CCDC6: variants seen among roughly 807,000 people sequenced by gnomAD.
CCDC6 encodes the protein coiled-coil domain-containing protein 6.
A neutral mutation model predicts 56.6 loss-of-function variants in CCDC6; 20 were observed. The observed-to-expected ratio is 0.35, with a 90% confidence interval of 0.25 to 0.51. CCDC6 has a LOEUF of 0.51. Ranked by LOEUF, CCDC6 falls within the 20% of genes least tolerant of loss-of-function variation. The pLI, the probability that CCDC6 is intolerant of heterozygous loss-of-function variation, is 0.95. For synonymous variants in CCDC6, 241 were observed against 234.4 expected (o/e 1.03, Z -0.26); for missense variants, 367 against 601.1 (o/e 0.61, Z 4.07).
intron 1 of CCDC6, among the ~76,000 whole-genome samples, chr10:59,869,429 G>GAAAAAAAAAAAAAAAAAAAAA (rs71006295): frequency 9.7e-6 from 1 of 103,070 alleles, no homozygotes; most frequent in Non-Finnish European, 1.9e-5. Context: ...ACAGAAAAAA[G>GAAAAAAAAAAAAAAAAAAAAA]AAAAAAAAAA....
chr10:59,809,914 G>A (rs932427955), intron 5 of CCDC6, among the ~76,000 whole-genome samples: 2 of 152,140 alleles, frequency 1.3e-5, no homozygotes, highest in African/African-American at 4.8e-5. Context: ...TGTGAACTGC[G>A]GATGACTTCC....
chr10:59,804,385 A>G, intron 7 of CCDC6, 35 bp downstream of exon 7: 1 of 1,248,664 alleles, frequency 8.0e-7, no homozygotes, highest in Non-Finnish European at 1.2e-6. Context: ...TGTGCCAGGA[A>G]TCAGTCACTG....
chr10:59,868,671 C>A (rs2071199048), intron 1 of CCDC6, among the ~76,000 whole-genome samples: 1 of 152,174 alleles, frequency 6.6e-6, no homozygotes, highest in Non-Finnish European at 1.5e-5. Flanking sequence ...GCTCACTGTG[C>A]CTAAGCGTTA....
chr10:59,825,032 T>C (rs2070776728), intron 3 of CCDC6, among the ~76,000 whole-genome samples: 1 of 152,206 alleles, frequency 6.6e-6, no homozygotes, highest in Non-Finnish European at 1.5e-5. Flanking sequence ...TTTCATTGGA[T>C]TCCTCTAGCT....
At chr10:59,829,979 C>T (rs764101298) in intron 3 of CCDC6, among the ~76,000 whole-genome samples, 3 of 152,144 alleles carry the variant, frequency 2.0e-5, no homozygotes, top group Non-Finnish European at 4.4e-5. Context: ...GGGTTCACAA[C>T]TGGTTGCTTT....
At chr10:59,831,836 A>G (rs1289089537) in intron 3 of CCDC6, among the ~76,000 whole-genome samples, 1 of 152,240 alleles carries the variant, frequency 6.6e-6, no homozygotes, top group Non-Finnish European at 1.5e-5. Context: ...CCCAAGGCCA[A>G]TGTTCCAACA....
chr10:59,906,167 T>C lies in CCDC6; in HGVS notation c.258A>G (p.Ala86=), dbSNP rs1157812936. The change falls in exon 1 of 9, where the codon GCA becomes GCG. Residue 86 remains alanine, a synonymous_variant. Transcript: ENST00000263102. ...ELETYKLKCK[A]LQEENRDLRK... ...GCAGGTCGCGGTTCTCCTCCTGCAGTGCCTTGCACTTCAGTTTGTAGGTCT... is the reference window on the plus strand; with the variant it reads ...GCAGGTCGCGGTTCTCCTCCTGCAGCGCCTTGCACTTCAGTTTGTAGGTCT... 1 of 1,610,354 alleles carries C rather than the reference T, an allele frequency of 6.2e-7. No homozygotes were observed. Among genetic ancestry groups the C allele is most frequent in the East Asian group, 2.2e-5 (1 of 44,462 alleles).
At position 59,834,494 on chromosome 10, in the gene CCDC6, C is replaced by T. The variant is rs528976108; in HGVS notation, c.454-1841G>A. Among the ~76,000 whole-genome samples the T allele has an allele frequency of 2.3e-4, 34 of 150,280 alleles. 3 individuals are homozygous for T. The South Asian group carries it at 6.9e-3, about 31-fold the overall frequency. On this transcript the variant is annotated intron_variant, in intron 2 of 8. Transcript: ENST00000263102. ...CCAGGAGGCAGGGGTTGCAGGGAGG[C>T]GGAGGTTGCAGTGAGCCAAGATCAC... is the stretch of plus-strand genomic sequence containing the variant.
rs1013753492 is a variant in CCDC6, at chr10:59,789,211, G to A, written c.*3706C>T. 37 of 230,724 alleles carry A rather than the reference G, an allele frequency of 1.6e-4. No homozygotes were observed. The highest frequency in any genetic ancestry group is 7.7e-4 in the African/African-American group (35 of 45,170). The allele number at this position is 230,724 out of a possible 1,614,324, so 14.3% of individuals were successfully genotyped here. Reference sequence around the variant, plus strand: ...AGATGTACAATACAATCTAGATGACGGTGCAGACTAAGTCAAGAACTAAAG... The same window carrying A: ...AGATGTACAATACAATCTAGATGACAGTGCAGACTAAGTCAAGAACTAAAG... On this transcript the variant is annotated 3_prime_UTR_variant, in exon 9 of 9. Coordinates refer to ENST00000263102, the MANE Select transcript of CCDC6 (RefSeq NM_005436.5).
intron 1 of CCDC6, among the ~76,000 whole-genome samples, chr10:59,859,191 TGTGTGTGC>T (rs1268838205): frequency 1.8e-5 from 2 of 112,188 alleles, no homozygotes; most frequent in African/African-American, 6.6e-5. Context: ...AAAAAATACA[TGTGTGTGC>T]GTGTGTGTGT....
rs1261615203 is a variant in CCDC6 at position 59,882,565 on chromosome 10, CGCGGGG to C, written c.303+23551_303+23556del. On this transcript the variant is annotated intron_variant, in intron 1 of 8. Transcript: ENST00000263102. Reference sequence around the variant, plus strand: ...GCCGCGGGGAGAAGGAAAGGAAAGCCGCGGGGAGAAGGAAAGGAAAGCCGCGGGGAG... The same window carrying C: ...GCCGCGGGGAGAAGGAAAGGAAAGCCAGAAGGAAAGGAAAGCCGCGGGGAG... 4.4e-3 allele frequency among the ~76,000 whole-genome samples: 46 copies of C among 10,368 alleles called. 2 individuals carry two copies. Among genetic ancestry groups the C allele is most frequent in the East Asian group, 0.011 (2 of 184 alleles). The allele number at this position is 10,368 out of a possible 152,430, so 6.8% of individuals were successfully genotyped here.
intron 7 of CCDC6, among the ~76,000 whole-genome samples, chr10:59,795,486 A>ATTC (rs1241807618): frequency 6.6e-6 from 1 of 151,476 alleles, no homozygotes; most frequent in Non-Finnish European, 1.5e-5. Flanking sequence ...TATTATTATT[A>ATTC]TTATACTTTA....
intron 1 of CCDC6, among the ~76,000 whole-genome samples, chr10:59,877,124 C>T (rs1361801521): frequency 1.3e-5 from 2 of 152,196 alleles, no homozygotes; most frequent in Admixed American, 6.5e-5. Flanking sequence ...CACAGTCCAT[C>T]GCAGACTTAA....
chr10:59,891,456 G>A (rs1427852163), intron 1 of CCDC6, among the ~76,000 whole-genome samples: 1 of 152,286 alleles, frequency 6.6e-6, no homozygotes, highest in African/African-American at 2.4e-5. Context: ...TGTACTTATG[G>A]AAAGCAGTAA....
rs1564756220 is a variant in CCDC6 at position 59,882,589 on chromosome 10, GCGGGGAGAAGGAAAGGAAAGCCGGC to G, written c.303+23508_303+23532del. The stretch of plus-strand genomic sequence containing the variant: ...CCGCGGGGAGAAGGAAAGGAAAGCC[GCGGGGAGAAGGAAAGGAAAGCCGGC>G]GGGAGAAGGAAAGCCAGGGAGAAGT... On this transcript the variant is annotated intron_variant, in intron 1 of 8. Transcript: ENST00000263102. 5.1e-4 allele frequency among the ~76,000 whole-genome samples: 18 copies of G among 35,254 alleles called. 6 individuals are homozygous for G. The highest frequency in any genetic ancestry group is 6.0e-4 in the Admixed American group (2 of 3,326). The allele number at this position is 35,254 out of a possible 152,430, so 23.1% of individuals were successfully genotyped here. A position where few individuals can be genotyped will look rare whatever the true frequency, so the allele number is the denominator to read the frequency against.
chr10:59,862,570 T>TACAC (rs907275659), intron 1 of CCDC6, among the ~76,000 whole-genome samples: 4,585 of 96,392 alleles, frequency 0.048, 730 homozygotes, highest in African/African-American at 0.19. Context: ...TATATACACA[T>TACAC]ACACACACAC....
intron 2 of CCDC6, among the ~76,000 whole-genome samples, chr10:59,834,636 T>G (rs2070865604): frequency 6.6e-6 from 1 of 152,024 alleles, no homozygotes; most frequent in Admixed American, 6.6e-5. Flanking sequence ...ATTGACTAAA[T>G]AGATGCTGTT....
At chr10:59,903,878 C>T (rs909179837) in intron 1 of CCDC6, among the ~76,000 whole-genome samples, 8 of 152,160 alleles carry the variant, frequency 5.3e-5, no homozygotes, top group Non-Finnish European at 1.2e-4. Context: ...TTTCTCCTCC[C>T]GCATTACATA....
At chr10:59,870,034 C>A (rs912115356) in intron 1 of CCDC6, among the ~76,000 whole-genome samples, 2 of 152,224 alleles carry the variant, frequency 1.3e-5, no homozygotes, top group Admixed American at 6.5e-5. Context: ...CCATTCACCA[C>A]CCCATTACAC....
Sources: allele counts gnomAD v4.1 joint callset (sites outside exome capture counted in the v4.1 genomes callset), GRCh38; gene constraint gnomAD v4.1.1; transcripts MANE v1.5; gene names NCBI Gene and HGNC (gene_info 2026-07-23, HGNC 2026-07-21).